The following NRG3 variants were observed in gnomAD, a reference collection of about 807,000 sequenced individuals.
NRG3 encodes pro-neuregulin-3, membrane-bound isoform.
In NRG3, 31 loss-of-function variants were observed where a neutral mutation model predicts 66.9. The observed-to-expected ratio is 0.46, with a 90% CI of 0.35 to 0.63. The LOEUF is 0.63. Among genes scored for constraint, NRG3 ranks in the 20% least tolerant of loss-of-function variants. NRG3 has a pLI of 0.00. For synonymous variants in NRG3, 393 were observed against 359.4 expected, an observed-to-expected ratio of 1.09 and a Z score of -1.06; for missense variants, 910 against 878.9, an observed-to-expected ratio of 1.04 and a Z score of -0.45.
intron 2 of NRG3, among the ~76,000 whole-genome samples, chr10:82,435,779 C>CTTTTTTT (rs1158502018): frequency 8.2e-4 from 89 of 108,262 alleles, no homozygotes; most frequent in South Asian, 1.2e-3. Flanking sequence ...CTTTTCTTTT[C>CTTTTTTT]TTTTTTTTTT....
intron 1 of NRG3, among the ~76,000 whole-genome samples, chr10:82,080,345 G>A (rs1449113635): frequency 6.6e-6 from 1 of 152,118 alleles, no homozygotes; most frequent in African/African-American, 2.4e-5. Context: ...AGTTAATGTT[G>A]CTAAGTCAAG....
At chr10:81,900,414 A>C (rs1247350315) in intron 1 of NRG3, among the ~76,000 whole-genome samples, 1 of 152,262 alleles carries the variant, frequency 6.6e-6, no homozygotes, top group African/African-American at 2.4e-5. Flanking sequence ...TCCAGAAATT[A>C]AGCCAAATGA....
chr10:82,887,110 C>T lies in NRG3; in HGVS notation c.1054+21673C>T, dbSNP rs1287501489. On this transcript the variant is annotated intron_variant, in intron 4 of 8. Coordinates refer to ENST00000372141, the MANE Select transcript of NRG3 (RefSeq NM_001010848.4). ...AGAGTGGCTAGGTTCTACTCCTAGA[C>T]GCTGTCATGGCCTTGTTATTTTCAA... Among the ~76,000 whole-genome samples the T allele has an allele frequency of 2.0e-5, 3 of 152,244 alleles. No individual in the cohort carries two copies. In the East Asian group the frequency reaches 5.8e-4, roughly 29 times the overall value.
chr10:82,498,054 T>A (rs1413230694), intron 2 of NRG3, among the ~76,000 whole-genome samples: 2 of 152,112 alleles, frequency 1.3e-5, no homozygotes, highest in Non-Finnish European at 2.9e-5. Context: ...AAATGTCTGT[T>A]CAGGTTCTTT....
intron 2 of NRG3, among the ~76,000 whole-genome samples, chr10:82,428,050 T>G (rs1179741712): frequency 6.6e-6 from 1 of 151,848 alleles, no homozygotes; most frequent in Non-Finnish European, 1.5e-5. Flanking sequence ...GGAAGTGATA[T>G]CTCCTCTTTC....
intron 1 of NRG3, among the ~76,000 whole-genome samples, chr10:82,125,322 A>T (rs1391980071): frequency 6.6e-6 from 1 of 151,978 alleles, no homozygotes; most frequent in East Asian, 1.9e-4. Flanking sequence ...CAGCCCTCAG[A>T]TTAAGTGATC....
In NRG3 at chr10:82,150,527, AC is replaced by A. The variant is rs1371909647; in HGVS notation, c.824-208211del. On this transcript the variant is annotated intron_variant, in intron 1 of 8. Transcript: ENST00000372141. The stretch of plus-strand genomic sequence containing the variant: ...CTGATTAACAAAGCAAAAAGAGCAC[AC>A]ACAAAAAAAAAAAAAAAAAAAAAAA... 4.6e-3 allele frequency among the ~76,000 whole-genome samples: 448 copies of A among 97,432 alleles called. 5 individuals carry two copies. The highest frequency in any genetic ancestry group is 0.018 in the African/African-American group (341 of 19,018). 63.9% of individuals were successfully genotyped at this position (97,432 alleles called of 152,430 possible). A position where few individuals can be genotyped will look rare whatever the true frequency, so the allele number is the denominator to read the frequency against.
At chr10:82,938,644 A>G (rs1191578134) in intron 4 of NRG3, among the ~76,000 whole-genome samples, 2 of 152,234 alleles carry the variant, frequency 1.3e-5, no homozygotes, top group Non-Finnish European at 2.9e-5. Context: ...GTGAAGCCCC[A>G]TTACACCAAT....
In NRG3 at chr10:82,281,000, T is replaced by C. The variant is rs138296348; in HGVS notation, c.824-77739T>C. ...ATCTCATAATTGTAGCCTGATTAAA[T>C]AGATCTTATTTTTTGTTCTATCTTT... On this transcript the variant is annotated intron_variant, in intron 1 of 8. Transcript: ENST00000372141. 1.3e-3 allele frequency among the ~76,000 whole-genome samples: 201 copies of C among 152,294 alleles called. 1 individual carries two copies. The highest frequency in any genetic ancestry group is 4.7e-3 in the African/African-American group (194 of 41,576).
chr10:82,266,981 C>T (rs2078332247), intron 1 of NRG3, among the ~76,000 whole-genome samples: 1 of 152,108 alleles, frequency 6.6e-6, no homozygotes, highest in South Asian at 2.1e-4. Flanking sequence ...GTAGAATCAC[C>T]TGGAATGTCC....
chr10:82,098,271 C>T (rs2066491662), intron 1 of NRG3, among the ~76,000 whole-genome samples: 1 of 150,420 alleles, frequency 6.6e-6, no homozygotes, highest in East Asian at 2.0e-4. Flanking sequence ...ATATAGATGT[C>T]ATATATATAT....
chr10:82,653,020 C>T (rs1409147077), intron 2 of NRG3, among the ~76,000 whole-genome samples: 1 of 152,152 alleles, frequency 6.6e-6, no homozygotes, highest in Non-Finnish European at 1.5e-5. Context: ...ACAGACAGAA[C>T]ATGAATAAAT....
chr10:82,501,683 C>T (rs769283971), intron 2 of NRG3, among the ~76,000 whole-genome samples: 20 of 152,120 alleles, frequency 1.3e-4, no homozygotes, highest in Non-Finnish European at 2.5e-4. Flanking sequence ...TTCTCTCTTT[C>T]CTCTCTCAGA....
At chr10:82,187,247 C>T (rs2073860308) in intron 1 of NRG3, among the ~76,000 whole-genome samples, 1 of 152,060 alleles carries the variant, frequency 6.6e-6, no homozygotes, top group South Asian at 2.1e-4. Context: ...GAGATGGCAA[C>T]ACTAACAAAA....
rs377231863 is a variant in NRG3 at position 82,091,792 on chromosome 10, C to G, written c.823+215629C>G. 8.5e-5 allele frequency among the ~76,000 whole-genome samples: 13 copies of G among 152,282 alleles called. No individual in the cohort carries two copies. The East Asian group carries it at 2.5e-3, about 29-fold the overall frequency. On this transcript the variant is annotated intron_variant, in intron 1 of 8. Transcript: ENST00000372141. ...CAACAATGCATAGGTGTTCTAATTT[C>G]TCCACGTTCTCACCGACACTTGTGA...
At chr10:82,662,675 A>G (rs2052458385) in intron 2 of NRG3, among the ~76,000 whole-genome samples, 1 of 152,166 alleles carries the variant, frequency 6.6e-6, no homozygotes, top group Non-Finnish European at 1.5e-5. Flanking sequence ...ATGAACTCCC[A>G]GGTTTAAGGC....
At chr10:82,256,521 C>T (rs930813228) in intron 1 of NRG3, among the ~76,000 whole-genome samples, 20 of 152,272 alleles carry the variant, frequency 1.3e-4, no homozygotes, top group African/African-American at 4.8e-4. Flanking sequence ...TGTCCTGAGG[C>T]ACAGGCTTGC....
intron 2 of NRG3, among the ~76,000 whole-genome samples, chr10:82,452,668 CT>C (rs150499593): frequency 0.021 from 3,065 of 148,570 alleles, 135 homozygotes; most frequent in East Asian, 0.19. Flanking sequence ...GTGGAGTTTC[CT>C]TTTTTTTTTC....
chr10:82,718,723 T>A (rs1355629443), intron 2 of NRG3, among the ~76,000 whole-genome samples: 1 of 152,340 alleles, frequency 6.6e-6, no homozygotes, highest in South Asian at 2.1e-4. Flanking sequence ...TTGATAAACA[T>A]GACTTCTGCC....
Sources: gnomAD v4.1 joint callset for allele counts (sites outside exome capture counted in the v4.1 genomes callset) on GRCh38, gnomAD v4.1.1 for gene constraint, MANE v1.5 for transcripts, NCBI Gene and HGNC (gene_info 2026-07-23, HGNC 2026-07-21) for gene names.